The following PIK3CD variants were observed in gnomAD, a reference collection of about 807,000 sequenced individuals.
The protein encoded by PIK3CD is phosphatidylinositol 4,5-bisphosphate 3-kinase catalytic subunit delta isoform.
PIK3CD carries 20 observed loss-of-function variants against 122.9 expected under a neutral mutation model. The ratio of observed to expected loss-of-function variants is 0.16; its 90% CI spans 0.11 to 0.24. The LOEUF (loss-of-function observed/expected upper bound fraction) is 0.24, where lower values mean the gene tolerates loss of function less well. Among genes scored for constraint, PIK3CD ranks in the 10% least tolerant of loss-of-function variants. PIK3CD has a pLI of 1.00. For synonymous variants in PIK3CD, 596 were observed against 593.4 expected (o/e 1.00, Z -0.06); for missense variants, 787 against 1,406.3 (o/e 0.56, Z 7.04).
rs1648780120 is a variant in PIK3CD, at chr1:9,722,156, G to A, written c.2234+3G>A. The A allele has an allele frequency of 6.2e-7, 1 of 1,609,554 alleles. No homozygotes were observed. The highest frequency in any genetic ancestry group is 8.5e-7 in the Non-Finnish European group (1 of 1,178,036). On this transcript the variant is annotated splice_donor_region_variant and intron_variant, in intron 17 of 23. Transcript: ENST00000377346. The surrounding 1 kb of genome is among the most constrained non-coding windows in gnomAD (Gnocchi z 7.6). Reference sequence around the variant, plus strand: ...AGCACCCTGCTGGCTGAAGTCTGGTGAGCCCAAGCCCCGCCACAAGGGTTC... The same window carrying A: ...AGCACCCTGCTGGCTGAAGTCTGGTAAGCCCAAGCCCCGCCACAAGGGTTC...
the PIK3CD span, among the ~76,000 whole-genome samples, chr1:9,646,298 G>T: frequency 1.3e-5 from 2 of 152,134 alleles, no homozygotes; most frequent in South Asian, 4.1e-4. Flanking sequence ...CTCAGCCCCG[G>T]TAAGTTCATA....
Position 9,720,255 on chromosome 1 carries a change from C to T in PIK3CD, c.1470+13C>T, listed in dbSNP as rs553468301. 5.5e-4 allele frequency: 878 copies of T among 1,599,304 alleles called. 16 individuals carry two copies. In the South Asian group the frequency reaches 9.2e-3, roughly 17 times the overall value. ...CGCCCTGGAGAAGGTCAGTGGGGGC[C>T]CCGCCGCGTGAGGCTGAGGGGCTGG... is the stretch of plus-strand genomic sequence containing the variant. On this transcript the variant is annotated intron_variant, in intron 11 of 23. Coordinates refer to ENST00000377346, the MANE Select transcript of PIK3CD (RefSeq NM_005026.5). The surrounding 1 kb of genome is among the most constrained non-coding windows in gnomAD (Gnocchi z 9.0).
At chr1:9,634,149 GT>G in the PIK3CD span, among the ~76,000 whole-genome samples, 3,952 of 46,346 alleles carry the variant, frequency 0.085, 20 homozygotes, top group Non-Finnish European at 0.1. Context: ...TTTTTGGGTT[GT>G]TTTTTTTTTT....
intron 1 of PIK3CD, among the ~76,000 whole-genome samples, chr1:9,683,416 C>T (rs1228337726): frequency 1.3e-5 from 2 of 148,272 alleles, no homozygotes; most frequent in African/African-American, 2.5e-5. Context: ...CCAGCCTGGG[C>T]GACAGAGTGA....
intron 1 of PIK3CD, among the ~76,000 whole-genome samples, chr1:9,685,986 C>T (rs1645950828): frequency 6.6e-6 from 1 of 152,134 alleles, no homozygotes; most frequent in Non-Finnish European, 1.5e-5. Context: ...GAATTCCAGC[C>T]AGGTTGGAGG....
intron 1 of PIK3CD, among the ~76,000 whole-genome samples, chr1:9,663,116 C>T (rs773602646): frequency 3.3e-5 from 5 of 152,194 alleles, no homozygotes; most frequent in Non-Finnish European, 7.3e-5. Flanking sequence ...CAAACCCACA[C>T]GGTGTCTTCT....
In PIK3CD at chr1:9,716,435, C is replaced by G. The variant is rs576351264; in HGVS notation, c.601-5C>G. ...GCAGAGGACTGACCTCCCTCCTCCC[C>G]ACAGGAGAGCTTCACCTTCCAGGTG... On this transcript the variant is annotated splice_polypyrimidine_tract_variant and splice_region_variant and intron_variant, in intron 5 of 23. Coordinates refer to ENST00000377346, the MANE Select transcript of PIK3CD (RefSeq NM_005026.5). 2 of 1,611,000 alleles carry G rather than the reference C, an allele frequency of 1.2e-6. No individual in the cohort carries two copies. The highest frequency in any genetic ancestry group is 1.1e-5 in the South Asian group (1 of 90,986).
At chr1:9,676,246 T>C (rs1346884148) in intron 1 of PIK3CD, among the ~76,000 whole-genome samples, 1 of 152,046 alleles carries the variant, frequency 6.6e-6, no homozygotes, top group Admixed American at 6.6e-5. Context: ...AGCTAATTTT[T>C]AGATTTTTTG....
In PIK3CD at chr1:9,717,426, C is replaced by A. The variant is rs1647672417; in HGVS notation, c.931-111C>A. The A allele has an allele frequency of 2.7e-6, 3 of 1,111,450 alleles. No individual in the cohort carries two copies. Among genetic ancestry groups the A allele is most frequent in the African/African-American group, 3.0e-5 (2 of 65,614 alleles). 68.8% of individuals were successfully genotyped at this position (1,111,450 alleles called of 1,614,324 possible). A position where few individuals can be genotyped will look rare whatever the true frequency, so the allele number is the denominator to read the frequency against. ...TTGTGGACAGGCCCAAACCTGGCCG[C>A]AAACCTGTGACCCTCTCACCCGCCC... On this transcript the variant is annotated intron_variant, in intron 7 of 23. Coordinates refer to ENST00000377346, the MANE Select transcript of PIK3CD (RefSeq NM_005026.5). This position sits in a 1 kb window ranked among gnomAD's most constrained non-coding sequence, Gnocchi z 5.4.
intron 1 of PIK3CD, among the ~76,000 whole-genome samples, chr1:9,676,920 G>A (rs1446209017): frequency 6.6e-6 from 1 of 152,202 alleles, no homozygotes; most frequent in Non-Finnish European, 1.5e-5. Flanking sequence ...GAGTGGCCCA[G>A]AGACCTGCTC....
At chr1:9,725,636 TG>T (rs1452339949) in intron 23 of PIK3CD, among the ~76,000 whole-genome samples, 1 of 151,884 alleles carries the variant, frequency 6.6e-6, no homozygotes. Flanking sequence ...CCCAGCACTT[TG>T]GGGGGCTGAG....
intron 1 of PIK3CD, among the ~76,000 whole-genome samples, chr1:9,676,321 C>T (rs1198519290): frequency 1.3e-5 from 2 of 152,150 alleles, no homozygotes; most frequent in Non-Finnish European, 2.9e-5. Flanking sequence ...GTGATCCTCC[C>T]GCCTCAGCCC....
intron 1 of PIK3CD, among the ~76,000 whole-genome samples, chr1:9,675,685 T>C (rs1359928972): frequency 1.3e-5 from 2 of 151,690 alleles, no homozygotes; most frequent in East Asian, 3.9e-4. Context: ...TTTTCACTTG[T>C]CCCCTCACCC....
At chr1:9,629,456 C>T in the PIK3CD span, among the ~76,000 whole-genome samples, 1 of 147,154 alleles carries the variant, frequency 6.8e-6, no homozygotes, top group Non-Finnish European at 1.5e-5. Flanking sequence ...ACTCCCTGCC[C>T]CCCCACCCCC....
intron 3 of PIK3CD, among the ~76,000 whole-genome samples, chr1:9,713,116 G>A (rs1436039090): frequency 6.6e-6 from 1 of 152,190 alleles, no homozygotes; most frequent in Non-Finnish European, 1.5e-5. Context: ...CTGGGAGGTG[G>A]AGGTTGCAGT....
chr1:9,677,088 T>C (rs1645567600), intron 1 of PIK3CD, among the ~76,000 whole-genome samples: 1 of 152,040 alleles, frequency 6.6e-6, no homozygotes, highest in South Asian at 2.1e-4. Flanking sequence ...CTCACGAGGA[T>C]AGGTGGAGGA....
At chr1:9,657,333 G>A (rs1279217158) in intron 1 of PIK3CD, among the ~76,000 whole-genome samples, 4 of 152,082 alleles carry the variant, frequency 2.6e-5, no homozygotes, top group Non-Finnish European at 5.9e-5. Context: ...TATCTTTGTG[G>A]GGGCCACCAA....
At chr1:9,675,259 G>A (rs1370873955) in intron 1 of PIK3CD, among the ~76,000 whole-genome samples, 5 of 149,910 alleles carry the variant, frequency 3.3e-5, no homozygotes, top group South Asian at 2.1e-4. Context: ...GGTAGCGGGC[G>A]CCTGTAGTCC....
chr1:9,670,150 C>CAAA (rs375500599), intron 1 of PIK3CD, among the ~76,000 whole-genome samples: 7 of 60,254 alleles, frequency 1.2e-4, no homozygotes, highest in African/African-American at 2.5e-4. Flanking sequence ...AATTCCACCT[C>CAAA]AAAAAAAAAA....
Sources: gnomAD v4.1 joint callset for allele counts (sites outside exome capture counted in the v4.1 genomes callset) on GRCh38, gnomAD v4.1.1 for gene constraint, Gnocchi (gnomAD v3.1) non-coding constraint, MANE v1.5 for transcripts, NCBI Gene and HGNC (gene_info 2026-07-23, HGNC 2026-07-21) for gene names.